The following PRDM5 variants were observed in gnomAD, a reference collection of about 807,000 sequenced individuals.
PRDM5 encodes PR domain zinc finger protein 5.
PRDM5 carries 56 observed loss-of-function variants against 81.2 expected under a neutral mutation model. The observed-to-expected ratio is 0.69, with a 90% CI of 0.56 to 0.86. The LOEUF is 0.86. PRDM5 is among the 40% of genes least tolerant of loss of function. The pLI, the probability that PRDM5 is intolerant of heterozygous loss-of-function variation, is 0.00. For synonymous variants in PRDM5, 267 were observed against 256.4 expected (o/e 1.04, Z -0.39); for missense variants, 697 against 770.1 (o/e 0.91, Z 1.12).
rs191206246 is a variant in PRDM5, at chr4:120,872,570, C to T, written c.178-19030G>A. 4.6e-5 allele frequency among the ~76,000 whole-genome samples: 7 copies of T among 152,122 alleles called. No homozygotes were observed. The East Asian group carries it at 1.4e-3, about 29-fold the overall frequency. On this transcript the variant is annotated intron_variant, in intron 2 of 15. Coordinates refer to ENST00000264808, the MANE Select transcript of PRDM5 (RefSeq NM_018699.4). Reference sequence around the variant, plus strand: ...AATTGAGACCAGTCTGGGCAACATACCCTAATCTCTACAACAAAAATAAAA... The same window carrying T: ...AATTGAGACCAGTCTGGGCAACATATCCTAATCTCTACAACAAAAATAAAA...
At chr4:120,861,359 A>G (rs1442699947) in intron 2 of PRDM5, among the ~76,000 whole-genome samples, 2 of 152,198 alleles carry the variant, frequency 1.3e-5, no homozygotes, top group African/African-American at 2.4e-5. Flanking sequence ...AGAGTTTACA[A>G]AAGGTATTAA....
chr4:120,723,718 T>C (rs1246531166), intron 14 of PRDM5, among the ~76,000 whole-genome samples: 4 of 152,148 alleles, frequency 2.6e-5, no homozygotes, highest in Middle Eastern at 6.8e-3. Flanking sequence ...CCGACTGATA[T>C]ATATAGTGTC....
intron 15 of PRDM5, among the ~76,000 whole-genome samples, chr4:120,708,572 A>G (rs532241485): frequency 6.6e-6 from 1 of 152,242 alleles, no homozygotes; most frequent in South Asian, 2.1e-4. Context: ...GTGCTTGTAC[A>G]ACACAGTCAA....
At chr4:120,894,267 T>C (rs747322656) in intron 2 of PRDM5, among the ~76,000 whole-genome samples, 3 of 152,190 alleles carry the variant, frequency 2.0e-5, no homozygotes, top group Non-Finnish European at 4.4e-5. Flanking sequence ...TAATTACAGT[T>C]ACTTCCCTCC....
At chr4:120,796,813 G>T (rs1014331570) in intron 10 of PRDM5, among the ~76,000 whole-genome samples, 1 of 151,944 alleles carries the variant, frequency 6.6e-6, no homozygotes, top group Admixed American at 6.6e-5. Context: ...TGAAGTCTTT[G>T]GAAGTATCCC....
chr4:120,874,948 C>T (rs148808827), intron 2 of PRDM5, among the ~76,000 whole-genome samples: 2 of 152,276 alleles, frequency 1.3e-5, no homozygotes, highest in South Asian at 2.1e-4. Context: ...GGCTCCTGTT[C>T]TAAGTGTGGT....
intron 12 of PRDM5, among the ~76,000 whole-genome samples, 179 bp from the exon 13 acceptor site, chr4:120,777,460 G>A (rs1748343586): frequency 1.3e-5 from 2 of 152,100 alleles, no homozygotes; most frequent in Non-Finnish European, 2.9e-5. Context: ...TCAAAAAAAT[G>A]TGCCTTAGAA....
At chr4:120,761,658 C>T (rs1271332655) in intron 13 of PRDM5, among the ~76,000 whole-genome samples, 2 of 152,080 alleles carry the variant, frequency 1.3e-5, no homozygotes, top group Admixed American at 6.5e-5. Context: ...ACTATGTAAC[C>T]ACCTCAATAT....
chr4:120,831,561 G>T (rs1228625766), intron 3 of PRDM5, among the ~76,000 whole-genome samples: 1 of 152,004 alleles, frequency 6.6e-6, no homozygotes, highest in African/African-American at 2.4e-5. Flanking sequence ...GTTTTGAAAA[G>T]TCTCAACGAT....
chr4:120,763,184 A>C (rs1355288024), intron 13 of PRDM5, among the ~76,000 whole-genome samples: 1 of 152,170 alleles, frequency 6.6e-6, no homozygotes, highest in Non-Finnish European at 1.5e-5. Context: ...AGAAGGAAAA[A>C]AACAGGACAG....
chr4:120,849,025 A>C (rs116601947), intron 3 of PRDM5, among the ~76,000 whole-genome samples: 2,605 of 152,294 alleles, frequency 0.017, 66 homozygotes, highest in African/African-American at 0.059. Context: ...AAATCTGGTA[A>C]GAAAAAACAG....
chr4:120,882,819 TA>T (rs1238244619), intron 2 of PRDM5, among the ~76,000 whole-genome samples: 1 of 152,226 alleles, frequency 6.6e-6, no homozygotes, highest in Non-Finnish European at 1.5e-5. Flanking sequence ...GTGATAGATA[TA>T]ATTTTCAAAA....
intron 14 of PRDM5, among the ~76,000 whole-genome samples, chr4:120,729,893 C>T (rs1424096888): frequency 6.6e-6 from 1 of 152,188 alleles, no homozygotes; most frequent in African/African-American, 2.4e-5. Flanking sequence ...CAGCAAGAAA[C>T]ATCAGAACAG....
intron 3 of PRDM5, among the ~76,000 whole-genome samples, chr4:120,825,737 G>T (rs1755886986): frequency 6.6e-6 from 1 of 152,032 alleles, no homozygotes; most frequent in African/African-American, 2.4e-5. Context: ...AAATAAATCT[G>T]CCTGCCTAGT....
chr4:120,766,834 TA>T (rs1199839760), intron 13 of PRDM5, among the ~76,000 whole-genome samples: 75 of 152,336 alleles, frequency 4.9e-4, no homozygotes, highest in African/African-American at 1.8e-3. Flanking sequence ...TATTATTTTT[TA>T]TTCTAAAAAA....
chr4:120,757,885 C>CCTT (rs1553959876), intron 13 of PRDM5, among the ~76,000 whole-genome samples: 41 of 151,102 alleles, frequency 2.7e-4, no homozygotes, highest in African/African-American at 9.5e-4. Context: ...CTTCTCTTCT[C>CCTT]CTTCTTCTTC....
intron 3 of PRDM5, among the ~76,000 whole-genome samples, chr4:120,828,239 T>C (rs1756271029): frequency 6.6e-6 from 1 of 152,092 alleles, no homozygotes; most frequent in Admixed American, 6.6e-5. Context: ...TAGTATCTAC[T>C]TCAAAGAATT....
chr4:120,781,019 G>T, intron 12 of PRDM5, 124 bp downstream of exon 12: 1 of 852,088 alleles, frequency 1.2e-6, no homozygotes, highest in Non-Finnish European at 1.8e-6. Flanking sequence ...TATAAATCAT[G>T]CATTTGTCAT....
At chr4:120,794,457 T>C (rs1008516431) in intron 10 of PRDM5, among the ~76,000 whole-genome samples, 2 of 151,742 alleles carry the variant, frequency 1.3e-5, no homozygotes, top group African/African-American at 4.8e-5. Flanking sequence ...GAGTGAACTG[T>C]ATTGCCTTTT....
Sources: allele counts gnomAD v4.1 joint callset (sites outside exome capture counted in the v4.1 genomes callset), GRCh38; gene constraint gnomAD v4.1.1; transcripts MANE v1.5; gene names NCBI Gene and HGNC (gene_info 2026-07-23, HGNC 2026-07-21).